The following PCNX4 variants were observed in gnomAD, a reference collection of about 807,000 sequenced individuals.
PCNX4 encodes the protein pecanex 4.
Under a neutral mutation model 107.2 loss-of-function variants are expected in PCNX4, and 103 were observed. The observed-to-expected ratio is 0.96, with a 90% CI of 0.82 to 1.13. PCNX4 has a LOEUF of 1.13. Ranked by LOEUF, PCNX4 falls within the 50% of genes most tolerant of loss-of-function variation. The pLI, the probability that PCNX4 is intolerant of heterozygous loss-of-function variation, is 0.00. For missense variants in PCNX4, 1,528 were observed against 1,379.4 expected (o/e 1.11, Z -1.71); for synonymous variants, 541 against 481.7 (o/e 1.12, Z -1.61).
Position 60,115,434 on chromosome 14 carries a change from A to T in PCNX4, c.1330A>T (p.Ile444Phe), listed in dbSNP as rs761813889. The change falls in exon 4 of 11, where the codon ATT becomes TTT. Residue 444 changes from isoleucine (I) to phenylalanine (F), a missense_variant. Transcript: ENST00000406854. ...GCAAACTAGGCTCATGAAGATTGGTATTGTCAGACGGATTTTGCTAACTTT... is the reference window on the plus strand; with the variant it reads ...GCAAACTAGGCTCATGAAGATTGGTTTTGTCAGACGGATTTTGCTAACTTT... The part of the protein sequence containing the change: ...EKQTRLMKIG[I>F]VRRILLTLVS... 1.1e-5 allele frequency: 17 copies of T among 1,536,052 alleles called. No individual in the cohort carries two copies. The South Asian group carries it at 1.5e-4, about 14-fold the overall frequency.
intron 1 of PCNX4, among the ~76,000 whole-genome samples, chr14:60,104,254 G>A (rs1370299542): frequency 2.0e-5 from 3 of 149,754 alleles, no homozygotes; most frequent in South Asian, 2.1e-4. Context: ...AGGAGGCGGA[G>A]GTTGTGGTGA....
At chr14:60,133,763 TTTA>T in intron 10 of PCNX4, 1 of 661,064 alleles carries the variant, frequency 1.5e-6, no homozygotes, top group Non-Finnish European at 2.7e-6. Flanking sequence ...GAAACTTTTA[TTTA>T]AAGAACCAAG....
chr14:60,114,666 T>G, intron 2 of PCNX4, 34 bp from the exon 3 acceptor site: 2 of 1,556,268 alleles, frequency 1.3e-6, no homozygotes, highest in Non-Finnish European at 1.8e-6. Context: ...TCTATATATT[T>G]CGTGTGATTT....
rs548364738 is a variant in PCNX4 at position 60,092,956 on chromosome 14, AT to A, written c.-54+542del. On this transcript the variant is annotated intron_variant, in intron 1 of 10. Coordinates refer to ENST00000406854, the MANE Select transcript of PCNX4 (RefSeq NM_001330177.2). ...ATTTTTCACTTACTCATTTTTTACT[AT>A]TTTTAGGTGTTTGTTTTCTTCATTA... Among the ~76,000 whole-genome samples the A allele has an allele frequency of 6.6e-5, 10 of 152,118 alleles. No homozygotes were observed. The East Asian group carries it at 1.9e-3, about 29-fold the overall frequency.
intron 9 of PCNX4, 148 bp downstream of exon 9, chr14:60,125,399 T>G (rs1896036331): frequency 1.0e-6 from 1 of 959,458 alleles, no homozygotes; most frequent in African/African-American, 1.7e-5. Context: ...TGTAGTGTGA[T>G]TGTATCAAGG....
chr14:60,125,808 G>T lies in PCNX4; in HGVS notation c.3252G>T (p.Gly1084=). The change falls in exon 10 of 11, where the codon GGG becomes GGT. Residue 1084 remains glycine (G), a synonymous_variant. Coordinates refer to ENST00000406854, the MANE Select transcript of PCNX4 (RefSeq NM_001330177.2). ...AAAAGCCATACTTGTTTTCTCTGGG[G>T]TATGATTCTAATATGGTAAGGTTAA... The part of the protein sequence containing the change: ...LQEKPYLFSL[G]YDSNMGIYTG... 1.9e-6 allele frequency: 3 copies of T among 1,606,296 alleles called. No individual in the cohort carries two copies. The highest frequency in any genetic ancestry group is 1.1e-5 in the South Asian group (1 of 89,370).
At chr14:60,119,147 C>CTT (rs1170184906) in intron 7 of PCNX4, among the ~76,000 whole-genome samples, 2 of 152,116 alleles carry the variant, frequency 1.3e-5, no homozygotes, top group African/African-American at 4.8e-5. Flanking sequence ...GTTACAGAGA[C>CTT]TTAAGCAGTC....
At position 60,145,210 on chromosome 14, in the gene PCNX4, T is replaced by A. The variant is rs988993621; in HGVS notation, c.*10989T>A. On this transcript the variant is annotated 3_prime_UTR_variant, in exon 11 of 11. Transcript: ENST00000406854. The surrounding 1 kb of genome is among the most constrained non-coding windows in gnomAD (Gnocchi z 4.0). ...TAGATGTACACAAAAGTACTTCTAA[T>A]GAGTTTAGCATCATCTCTGGTTTAG... is the stretch of plus-strand genomic sequence containing the variant. 4 of 445,678 alleles carry A rather than the reference T, an allele frequency of 9.0e-6. No individual in the cohort carries two copies. Among genetic ancestry groups the A allele is most frequent in the Non-Finnish European group, 1.6e-5 (4 of 257,222 alleles). 27.6% of individuals were successfully genotyped at this position (445,678 alleles called of 1,614,324 possible).
intron 1 of PCNX4, among the ~76,000 whole-genome samples, chr14:60,096,415 G>A (rs536845532): frequency 1.3e-5 from 2 of 152,180 alleles, no homozygotes; most frequent in Non-Finnish European, 2.9e-5. Flanking sequence ...GTACCTATCT[G>A]TGGTACAAAG....
intron 1 of PCNX4, among the ~76,000 whole-genome samples, chr14:60,099,364 A>T (rs936155075): frequency 6.6e-6 from 1 of 152,214 alleles, no homozygotes; most frequent in African/African-American, 2.4e-5. Flanking sequence ...AATACATTGT[A>T]TTTATTACTG....
At chr14:60,133,472 G>A (rs1896190548) in intron 10 of PCNX4, among the ~76,000 whole-genome samples, 1 of 152,174 alleles carries the variant, frequency 6.6e-6, no homozygotes. Context: ...AGAGTACAAG[G>A]ATGCTTCTTG....
At chr14:60,130,659 A>G (rs894461410) in intron 10 of PCNX4, among the ~76,000 whole-genome samples, 1 of 152,228 alleles carries the variant, frequency 6.6e-6, no homozygotes. Flanking sequence ...TGTTGGGCCT[A>G]TAACATATAG....
In PCNX4 at chr14:60,098,095, A is replaced by G. The variant is rs187697667; in HGVS notation, c.-54+5676A>G. On this transcript the variant is annotated intron_variant, in intron 1 of 10. Transcript: ENST00000406854. The stretch of plus-strand genomic sequence containing the variant: ...CCTTATGGTTAAGGTCAGCATGAAC[A>G]TAAATCACACAACATCTCTGACCAG... Among the ~76,000 whole-genome samples the G allele has an allele frequency of 1.3e-3, 197 of 152,292 alleles. 1 individual carries two copies. The highest frequency in any genetic ancestry group is 3.8e-3 in the African/African-American group (160 of 41,576).
At chr14:60,096,386 A>G (rs949945188) in intron 1 of PCNX4, among the ~76,000 whole-genome samples, 1 of 152,220 alleles carries the variant, frequency 6.6e-6, no homozygotes, top group African/African-American at 2.4e-5. Context: ...AAGCCTCTAT[A>G]TGCCATATAA....
chr14:60,106,808 C>T (rs1895638906), intron 1 of PCNX4, among the ~76,000 whole-genome samples: 1 of 152,114 alleles, frequency 6.6e-6, no homozygotes, highest in Admixed American at 6.6e-5. Context: ...TCCTTTCTAG[C>T]CTAACATGAT....
intron 1 of PCNX4, among the ~76,000 whole-genome samples, chr14:60,101,917 C>A (rs938162914): frequency 3.9e-5 from 6 of 152,184 alleles, no homozygotes; most frequent in Middle Eastern, 3.4e-3. Flanking sequence ...GGAAACCATG[C>A]CATATGTAAC....
At chr14:60,119,901 TGGAAG>T (rs1566515691) in intron 7 of PCNX4, among the ~76,000 whole-genome samples, 1 of 152,182 alleles carries the variant, frequency 6.6e-6, no homozygotes, top group Admixed American at 6.5e-5. Context: ...CAGACCTTTC[TGGAAG>T]GAAATGTAAA....
intron 6 of PCNX4, among the ~76,000 whole-genome samples, chr14:60,116,969 G>A (rs1439130136): frequency 6.6e-6 from 1 of 151,988 alleles, no homozygotes; most frequent in Non-Finnish European, 1.5e-5. Flanking sequence ...TTATAGAATA[G>A]GGATATAAAG....
chr14:60,099,645 ATAAT>A (rs1181110389), intron 1 of PCNX4, among the ~76,000 whole-genome samples: 3 of 152,224 alleles, frequency 2.0e-5, no homozygotes, highest in Non-Finnish European at 2.9e-5. Flanking sequence ...GTGGGAAGTA[ATAAT>A]TTATCTTTTA....
Sources: allele counts gnomAD v4.1 joint callset (sites outside exome capture counted in the v4.1 genomes callset), GRCh38; gene constraint gnomAD v4.1.1; non-coding constraint Gnocchi (gnomAD v3.1); transcripts MANE v1.5; gene names NCBI Gene and HGNC (gene_info 2026-07-23, HGNC 2026-07-21).